NRDC: variants seen among roughly 807,000 people sequenced by gnomAD.
The protein encoded by NRDC is nardilysin.
A neutral mutation model predicts 147.1 loss-of-function variants in NRDC; 54 were observed. The ratio of observed to expected loss-of-function variants is 0.37; its 90% CI spans 0.29 to 0.46. NRDC has a LOEUF of 0.46. Among genes scored for constraint, NRDC ranks in the 20% least tolerant of loss-of-function variants. The pLI, the probability that NRDC is intolerant of heterozygous loss-of-function variation, is 1.00. For missense variants in NRDC, 1,082 were observed against 1,370.6 expected (o/e 0.79, Z 3.33); for synonymous variants, 440 against 482.1 (o/e 0.91, Z 1.14).
intron 1 of NRDC, among the ~76,000 whole-genome samples, chr1:51,863,526 T>C (rs749914184): frequency 6.6e-6 from 1 of 152,176 alleles, no homozygotes; most frequent in African/African-American, 2.4e-5. Context: ...GAATCACAAG[T>C]AATGGCAAGC....
chr1:51,847,033 C>T (rs564371321), intron 1 of NRDC, among the ~76,000 whole-genome samples: 11 of 141,328 alleles, frequency 7.8e-5, no homozygotes, highest in Non-Finnish European at 1.3e-4. Context: ...CACAGAGTGC[C>T]GATTGGTGCA....
intron 1 of NRDC, among the ~76,000 whole-genome samples, chr1:51,853,039 T>C (rs1238737218): frequency 6.6e-6 from 1 of 151,908 alleles, no homozygotes; most frequent in African/African-American, 2.4e-5. Flanking sequence ...CTGACCAACA[T>C]GGTGAAACCC....
At chr1:51,848,372 T>G (rs916084952) in intron 1 of NRDC, among the ~76,000 whole-genome samples, 1 of 152,188 alleles carries the variant, frequency 6.6e-6, no homozygotes, top group South Asian at 2.1e-4. Context: ...TCCCAGCTAC[T>G]CAGGAGGCTG....
At chr1:51,832,862 A>G (rs766461812) in intron 4 of NRDC, among the ~76,000 whole-genome samples, 1 of 152,230 alleles carries the variant, frequency 6.6e-6, no homozygotes, top group Non-Finnish European at 1.5e-5. Flanking sequence ...ACAGTATTAG[A>G]AAACTGGAAA....
chr1:51,836,630 T>C (rs1680990110), intron 2 of NRDC, among the ~76,000 whole-genome samples: 1 of 152,198 alleles, frequency 6.6e-6, no homozygotes, highest in African/African-American at 2.4e-5. Flanking sequence ...TTAAAAGCTT[T>C]GTGTTGAGTG....
At chr1:51,870,529 TG>T (rs2124126580) in intron 1 of NRDC, among the ~76,000 whole-genome samples, 1 of 152,370 alleles carries the variant, frequency 6.6e-6, no homozygotes, top group East Asian at 1.9e-4. Context: ...GCTTCCCCTA[TG>T]CATCCCACTA....
chr1:51,845,857 GAATA>G (rs1297738850), intron 1 of NRDC, among the ~76,000 whole-genome samples: 1 of 151,880 alleles, frequency 6.6e-6, no homozygotes, highest in East Asian at 1.9e-4. Flanking sequence ...AACAGATATT[GAATA>G]AACAAAAGAA....
rs763112038 is a variant in NRDC at position 51,798,312 on chromosome 1, G to A, written c.2541C>T (p.Phe847=). The A allele has an allele frequency of 5.6e-6, 9 of 1,613,946 alleles. No homozygotes were observed. The highest frequency in any genetic ancestry group is 5.0e-5 in the Admixed American group (3 of 59,988). ...DGLSLESLLS[F]VKEFKSQLFV... ...AGAGCTGGGATTTGAATTCTTTGAC[G>A]AAGCTCAGCAGAGACTCAAGGGAAA... Residue 847 remains phenylalanine (F), a synonymous_variant, in exon 22 of 31, where the codon TTC becomes TTT. Coordinates refer to ENST00000352171, the MANE Select transcript of NRDC (RefSeq NM_001101662.2).
chr1:51,848,285 C>G (rs1681756037), intron 1 of NRDC, among the ~76,000 whole-genome samples: 1 of 152,140 alleles, frequency 6.6e-6, no homozygotes, highest in Non-Finnish European at 1.5e-5. Flanking sequence ...ACCATCCTGG[C>G]TAACACAGTG....
At chr1:51,872,473 A>C (rs2124137583) in intron 1 of NRDC, among the ~76,000 whole-genome samples, 1 of 152,286 alleles carries the variant, frequency 6.6e-6, no homozygotes, top group East Asian at 1.9e-4. Flanking sequence ...TTGGGAGGCC[A>C]AGGTGGGCTG....
chr1:51,840,126 G>T (rs1681190846), intron 2 of NRDC, 100 bp downstream of exon 2: 2 of 930,460 alleles, frequency 2.1e-6, no homozygotes, highest in South Asian at 3.4e-5. Context: ...AAGACCAAAA[G>T]ATAACTATAT....
chr1:51,869,817 C>T lies in NRDC; in HGVS notation c.341+8458G>A, dbSNP rs185717283. ...ACACAAAATATACAATATCAGCATA[C>T]GCATTTGTAGTATTTGTATCATTTG... On this transcript the variant is annotated intron_variant, in intron 1 of 30. Transcript: ENST00000352171. Among the ~76,000 whole-genome samples, 26 of 152,256 alleles carry T rather than the reference C, an allele frequency of 1.7e-4. 1 individual carries two copies. Among genetic ancestry groups the T allele is most frequent in the African/African-American group, 4.6e-4 (19 of 41,544 alleles).
rs142790238 is a variant in NRDC, at chr1:51,793,539, C to A, written c.2775+933G>T. ...TCATTAAGAAGACTAGGACAAGACA[C>A]AACTTCACTAACAAGAGATGACCGT... On this transcript the variant is annotated intron_variant, in intron 24 of 30. Transcript: ENST00000352171. Among the ~76,000 whole-genome samples, 214 of 152,340 alleles carry A rather than the reference C, an allele frequency of 1.4e-3. 2 individuals are homozygous for A. Among genetic ancestry groups the A allele is most frequent in the African/African-American group, 4.9e-3 (203 of 41,566 alleles).
At chr1:51,854,096 G>A (rs1682118077) in intron 1 of NRDC, among the ~76,000 whole-genome samples, 1 of 152,158 alleles carries the variant, frequency 6.6e-6, no homozygotes, top group South Asian at 2.1e-4. Flanking sequence ...TCAGCCAGGG[G>A]CGGTGGCTCA....
At chr1:51,876,704 G>A (rs1247911398) in intron 1 of NRDC, among the ~76,000 whole-genome samples, 1 of 151,462 alleles carries the variant, frequency 6.6e-6, no homozygotes, top group Non-Finnish European at 1.5e-5. Context: ...AATATATCTA[G>A]ACTTGAAGTG....
At chr1:51,799,738 G>A (rs1679099339) in intron 21 of NRDC, among the ~76,000 whole-genome samples, 1 of 152,174 alleles carries the variant, frequency 6.6e-6, no homozygotes, top group African/African-American at 2.4e-5. Context: ...GCTACAATTA[G>A]CCCTGGACTA....
intron 1 of NRDC, among the ~76,000 whole-genome samples, chr1:51,844,701 G>A (rs1192169480): frequency 2.7e-5 from 4 of 148,480 alleles, no homozygotes; most frequent in Admixed American, 1.3e-4. Context: ...CCGAGATGGC[G>A]CCACTGCACT....
Position 51,873,476 on chromosome 1 carries a change from A to AATTT in NRDC, c.341+4795_341+4798dup, listed in dbSNP as rs1242542447. On this transcript the variant is annotated intron_variant, in intron 1 of 30. Transcript: ENST00000352171. ...ACCCATTATTTTCTATAATATATGG[A>AATTT]ATTTTTATTTATTTATTTATTTATT... is the stretch of plus-strand genomic sequence containing the variant. Among the ~76,000 whole-genome samples the AATTT allele has an allele frequency of 3.0e-5, 4 of 133,270 alleles. No homozygotes were observed. In the East Asian group the frequency reaches 8.9e-4, roughly 30 times the overall value. The allele number at this position is 133,270 out of a possible 152,430, so 87.4% of individuals were successfully genotyped here. A position where few individuals can be genotyped will look rare whatever the true frequency, so the allele number is the denominator to read the frequency against.
intron 2 of NRDC, chr1:51,837,766 A>G: frequency 1.7e-6 from 1 of 595,030 alleles, no homozygotes; most frequent in Non-Finnish European, 2.5e-6. Flanking sequence ...TTAATTTATC[A>G]AACTTTTAAA....
Sources: allele counts gnomAD v4.1 joint callset (sites outside exome capture counted in the v4.1 genomes callset), GRCh38; gene constraint gnomAD v4.1.1; transcripts MANE v1.5; gene names NCBI Gene and HGNC (gene_info 2026-07-23, HGNC 2026-07-21).